The following CSMD1 variants were observed in gnomAD, a reference collection of about 807,000 sequenced individuals.
The protein encoded by CSMD1 is CUB and Sushi multiple domains 1.
CSMD1 carries 213 observed loss-of-function variants against 417.5 expected under a neutral mutation model. The observed-to-expected ratio is 0.51, with a 90% CI of 0.46 to 0.57. CSMD1 has a LOEUF of 0.57. Ranked by LOEUF, CSMD1 falls within the 20% of genes least tolerant of loss-of-function variation. The pLI is 0.00. For synonymous variants in CSMD1, 2,862 were observed against 1,736.8 expected, an observed-to-expected ratio of 1.65 and a Z score of -16.11; for missense variants, 6,923 against 4,529.7, an observed-to-expected ratio of 1.53 and a Z score of -15.17.
chr8:3,333,036 C>T (rs1245063331), intron 23 of CSMD1, among the ~76,000 whole-genome samples: 1 of 152,130 alleles, frequency 6.6e-6, no homozygotes, highest in Non-Finnish European at 1.5e-5. Context: ...TTTGGAGAAG[C>T]CAGCAAGGAC....
chr8:4,987,896 T>C (rs925662894), intron 1 of CSMD1, among the ~76,000 whole-genome samples: 1 of 152,226 alleles, frequency 6.6e-6, no homozygotes, highest in Admixed American at 6.5e-5. Flanking sequence ...CTCTTGGACT[T>C]ACACCAGTGG....
chr8:4,404,016 T>G (rs536071842), intron 3 of CSMD1, among the ~76,000 whole-genome samples: 30 of 152,196 alleles, frequency 2.0e-4, no homozygotes, highest in Non-Finnish European at 1.8e-4. Flanking sequence ...CAAACTCGAT[T>G]GGTATTAAAG....
At chr8:3,710,924 G>T (rs541954376) in intron 6 of CSMD1, among the ~76,000 whole-genome samples, 2 of 152,262 alleles carry the variant, frequency 1.3e-5, no homozygotes, top group East Asian at 3.9e-4. Flanking sequence ...TGCAGGAGCT[G>T]GTCCACCTGG....
chr8:4,137,123 G>C (rs186890751), intron 3 of CSMD1, among the ~76,000 whole-genome samples: 316 of 152,304 alleles, frequency 2.1e-3, no homozygotes, highest in African/African-American at 7.3e-3. Flanking sequence ...ATGTGGAACA[G>C]AGAATAAGCC....
intron 3 of CSMD1, among the ~76,000 whole-genome samples, chr8:4,150,855 T>G (rs933697938): frequency 3.4e-5 from 5 of 147,510 alleles, no homozygotes; most frequent in African/African-American, 1.0e-4. Flanking sequence ...CAATATGGAT[T>G]ATAAATATAA....
At chr8:3,655,356 G>A (rs889345933) in intron 7 of CSMD1, among the ~76,000 whole-genome samples, 2 of 152,128 alleles carry the variant, frequency 1.3e-5, no homozygotes, top group Admixed American at 6.5e-5. Flanking sequence ...TCCCTACAGC[G>A]AATTTGGCAG....
At chr8:3,395,373 T>A (rs12681614) in intron 17 of CSMD1, among the ~76,000 whole-genome samples, 3 of 151,870 alleles carry the variant, frequency 2.0e-5, no homozygotes, top group Non-Finnish European at 2.9e-5. Context: ...GAATAACAGC[T>A]GCTTTGCTTT....
At chr8:4,781,069 C>T (rs1367440788) in intron 1 of CSMD1, among the ~76,000 whole-genome samples, 1 of 152,186 alleles carries the variant, frequency 6.6e-6, no homozygotes, top group African/African-American at 2.4e-5. Context: ...CTTTCTGTGT[C>T]CCGCCGTCTT....
chr8:3,656,107 T>C (rs1798089322), intron 7 of CSMD1, among the ~76,000 whole-genome samples: 1 of 152,128 alleles, frequency 6.6e-6, no homozygotes, highest in South Asian at 2.1e-4. Context: ...TACCAGAAGA[T>C]CATGGGGTGC....
chr8:3,291,906 T>C lies in CSMD1; in HGVS notation c.3951-7560A>G, dbSNP rs1358863765. On this transcript the variant is annotated intron_variant, in intron 25 of 69. Coordinates refer to ENST00000635120, the MANE Select transcript of CSMD1 (RefSeq NM_033225.6). ...TTTGTTCTTGCTTTTCTAGTTCTTTTAATTGTGATGTTAGGGTGTCAATTT... is the reference window on the plus strand; with the variant it reads ...TTTGTTCTTGCTTTTCTAGTTCTTTCAATTGTGATGTTAGGGTGTCAATTT... 4.6e-5 allele frequency among the ~76,000 whole-genome samples: 7 copies of C among 152,234 alleles called. No homozygotes were observed. The East Asian group carries it at 9.7e-4, about 21-fold the overall frequency.
chr8:3,167,164 A>C (rs1216565095), intron 37 of CSMD1, among the ~76,000 whole-genome samples: 1 of 152,104 alleles, frequency 6.6e-6, no homozygotes, highest in Non-Finnish European at 1.5e-5. Context: ...ATGTGCCTGT[A>C]ATCGCAGGTA....
Position 3,367,131 on chromosome 8 carries a change from G to A in CSMD1, c.3016C>T (p.His1006Tyr), listed in dbSNP as rs1399845920. The A allele has an allele frequency of 1.2e-5, 19 of 1,613,784 alleles. No individual in the cohort carries two copies. Among genetic ancestry groups the A allele is most frequent in the Non-Finnish European group, 1.4e-5 (17 of 1,179,790 alleles). Residue 1006 changes from histidine (H) to tyrosine (Y), a missense_variant, in exon 20 of 70, where the codon CAT becomes TAT. Transcript: ENST00000635120. ...CCAAACAGGCCTGCCTTGATCGTAT[G>A]AGGCAACACCGACCCGGTGAGCCTG... is the stretch of plus-strand genomic sequence containing the variant. ...VARLTGSVLP[H>Y]TIKAGLFGNF...
chr8:4,977,503 G>C (rs1010575448), intron 1 of CSMD1, among the ~76,000 whole-genome samples: 1 of 152,160 alleles, frequency 6.6e-6, no homozygotes, highest in Admixed American at 6.5e-5. Context: ...CTTCACATTG[G>C]CATGAAAACG....
chr8:3,412,231 C>G (rs982813274), intron 12 of CSMD1, among the ~76,000 whole-genome samples: 1 of 150,862 alleles, frequency 6.6e-6, no homozygotes, highest in South Asian at 2.1e-4. Flanking sequence ...TCTTTATCCA[C>G]TCATTGATTG....
At chr8:3,791,066 T>C (rs1045951287) in intron 5 of CSMD1, among the ~76,000 whole-genome samples, 1 of 152,212 alleles carries the variant, frequency 6.6e-6, no homozygotes, top group African/African-American at 2.4e-5. Context: ...TTATGGCTAC[T>C]TGGTGAGAAA....
intron 26 of CSMD1, among the ~76,000 whole-genome samples, chr8:3,234,192 C>T (rs949525339): frequency 6.6e-6 from 1 of 152,212 alleles, no homozygotes; most frequent in Non-Finnish European, 1.5e-5. Flanking sequence ...CCTAGCTTCA[C>T]AATCTCTCTC....
chr8:3,971,509 C>A lies in CSMD1; in HGVS notation c.818+26394G>T, dbSNP rs147821285. On this transcript the variant is annotated intron_variant, in intron 5 of 69. Transcript: ENST00000635120. ...AATCTATGTGATAAATCAGAACTCC[C>A]GAATCTATGATTAAATTTTAAATAT... 3.5e-3 allele frequency among the ~76,000 whole-genome samples: 531 copies of A among 152,114 alleles called. 3 individuals carry two copies. The highest frequency in any genetic ancestry group is 0.012 in the African/African-American group (487 of 41,472).
intron 10 of CSMD1, among the ~76,000 whole-genome samples, chr8:3,535,582 C>T (rs2117533877): frequency 6.6e-6 from 1 of 152,192 alleles, no homozygotes; most frequent in Middle Eastern, 3.4e-3. Flanking sequence ...TGAGAAATTA[C>T]TTAATGAGAA....
At chr8:3,175,649 C>T (rs546940674) in intron 37 of CSMD1, among the ~76,000 whole-genome samples, 19 of 150,736 alleles carry the variant, frequency 1.3e-4, no homozygotes, top group South Asian at 6.3e-4. Flanking sequence ...TTTGAGGCCC[C>T]GTTCCCTCTG....
Sources: gnomAD v4.1 joint callset for allele counts (sites outside exome capture counted in the v4.1 genomes callset) on GRCh38, gnomAD v4.1.1 for gene constraint, MANE v1.5 for transcripts, NCBI Gene and HGNC (gene_info 2026-07-23, HGNC 2026-07-21) for gene names.